SLC22A5: variants seen among roughly 807,000 people sequenced by gnomAD.
SLC22A5 encodes the protein organic cation/carnitine transporter 2.
Under a neutral mutation model 56.7 loss-of-function variants are expected in SLC22A5, and 44 were observed. The observed-to-expected ratio is 0.78, with a 90% confidence interval of 0.61 to 1.00. The LOEUF (loss-of-function observed/expected upper bound fraction) is 1.00. SLC22A5 is among the 50% of genes least tolerant of loss of function. The pLI is 0.00. For synonymous variants in SLC22A5, 278 were observed against 292.1 expected (o/e 0.95, Z 0.49); for missense variants, 675 against 723.0 (o/e 0.93, Z 0.76).
At chr5:132,388,799 C>T (rs1306761343) in intron 5 of SLC22A5, 122 bp from the exon 6 acceptor site, 9 of 745,882 alleles carry the variant, frequency 1.2e-5, no homozygotes, top group Non-Finnish European at 1.7e-5. Context: ...TTCTTAGAAA[C>T]GTAACACTCC....
At chr5:132,379,605 C>G (rs1353717279) in intron 2 of SLC22A5, 1 of 152,282 alleles carries the variant, frequency 6.6e-6, no homozygotes, top group Non-Finnish European at 1.5e-5. Context: ...CTGTCTCAGC[C>G]TCCCGAGTTG....
At chr5:132,379,497 T>G (rs1250189940) in intron 2 of SLC22A5, 1 of 151,918 alleles carries the variant, frequency 6.6e-6, no homozygotes, top group Non-Finnish European at 1.5e-5. Context: ...TGTTGTTTTT[T>G]TTTGGAAAAG....
At chr5:132,381,700 G>A (rs1037965364) in intron 2 of SLC22A5, 67 of 152,346 alleles carry the variant, frequency 4.4e-4, no homozygotes, top group African/African-American at 1.6e-3. Flanking sequence ...TTATCTTTAT[G>A]CGTCTGACTT....
Position 132,385,422 on chromosome 5 carries a change from T to G in SLC22A5, c.747T>G (p.Phe249Leu). 2 of 1,614,226 alleles carry G rather than the reference T, an allele frequency of 1.2e-6. No individual in the cohort carries two copies. The highest frequency in any genetic ancestry group is 1.7e-6 in the Non-Finnish European group (2 of 1,180,016). ...YAFGYMVLPL[F>L]AYFIRDWRML... ...TTGGCTACATGGTGCTGCCACTGTTTGCTTACTTCATCCGAGACTGGCGGA... is the reference window on the plus strand; with the variant it reads ...TTGGCTACATGGTGCTGCCACTGTTGGCTTACTTCATCCGAGACTGGCGGA... The change falls in exon 4 of 10, where the codon TTT (phenylalanine) becomes TTG (leucine). Residue 249 changes from phenylalanine to leucine, a missense_variant. Coordinates refer to ENST00000245407, the MANE Select transcript of SLC22A5 (RefSeq NM_003060.4).
rs931550022 is a variant in SLC22A5 at position 132,371,121 on chromosome 5, G to A, written c.393+756G>A. ...CAGTCTCCGAGTAGCTGTGAGCCAC[G>A]ACGCCCAGCTAATTTTTGTGTTTTT... On this transcript the variant is annotated intron_variant, in intron 1 of 9. Transcript: ENST00000245407. Among the ~76,000 whole-genome samples, 8 of 152,104 alleles carry A rather than the reference G, an allele frequency of 5.3e-5. No individual in the cohort carries two copies. In the South Asian group the frequency reaches 1.5e-3, roughly 28 times the overall value.
intron 7 of SLC22A5, 39 bp downstream of exon 7, chr5:132,390,943 G>A (rs375396087): frequency 1.6e-5 from 24 of 1,507,352 alleles, no homozygotes; most frequent in Admixed American, 3.4e-5. Context: ...GGTCTTCACT[G>A]AGTCTCTTAC....
At position 132,384,290 on chromosome 5, in the gene SLC22A5, C is replaced by T. The variant is rs386134199; in HGVS notation, c.641C>T (p.Ala214Val). The T allele has an allele frequency of 3.9e-4, 626 of 1,614,206 alleles. 8 individuals are homozygous for T. The South Asian group carries it at 6.5e-3, about 17-fold the overall frequency. Residue 214 changes from alanine to valine, a missense_variant, in exon 3 of 10, where the codon GCA becomes GTA. Physicochemically the swap from Ala to Val is moderately conservative, Grantham distance 64. Coordinates refer to ENST00000245407, the MANE Select transcript of SLC22A5 (RefSeq NM_003060.4). ...GGCCAGATCTCCAACTATGTGGCAG[C>T]ATTTGTCCTGGGTATGGCCATCAGG... ...GMGQISNYVAAFVLGTEILGK... is the reference protein window; with the variant it reads ...GMGQISNYVAVFVLGTEILGK...
chr5:132,377,249 C>T (rs546111115), intron 1 of SLC22A5: 1 of 152,440 alleles, frequency 6.6e-6, no homozygotes, highest in Non-Finnish European at 1.5e-5. Context: ...CTTGTTTTTC[C>T]CTGTCACTGG....
At position 132,385,511 on chromosome 5, in the gene SLC22A5, C is replaced by T. The variant is rs1752498040; in HGVS notation, c.824+12C>T. ...GTGGCACTCTGGTGGTGAGTGTGACCTTGTGCCCCATGTGCCCACTGGCAG... is the reference window on the plus strand; with the variant it reads ...GTGGCACTCTGGTGGTGAGTGTGACTTTGTGCCCCATGTGCCCACTGGCAG... On this transcript the variant is annotated intron_variant, in intron 4 of 9. Transcript: ENST00000245407. The T allele has an allele frequency of 6.2e-7, 1 of 1,612,298 alleles. No homozygotes were observed. The highest frequency in any genetic ancestry group is 8.5e-7 in the Non-Finnish European group (1 of 1,178,410).
At chr5:132,376,767 C>T (rs1371572442) in intron 1 of SLC22A5, 8 of 152,216 alleles carry the variant, frequency 5.3e-5, no homozygotes. Context: ...GGTCCTGGCC[C>T]CTGAAGCTTG....
At position 132,394,588 on chromosome 5, in the gene SLC22A5, C is replaced by G. The variant is rs183289645; in HGVS notation, c.*316C>G. The G allele has an allele frequency of 2.4e-6, 1 of 414,046 alleles. No homozygotes were observed. Among genetic ancestry groups the G allele is most frequent in the African/African-American group, 2.0e-5 (1 of 49,766 alleles). 25.6% of individuals were successfully genotyped at this position (414,046 alleles called of 1,614,324 possible). Reference sequence around the variant, plus strand: ...GTGAGATCTGGAGGAATGTGAGAAGCATATGCTAAATGTACATTTTAATTT... The same window carrying G: ...GTGAGATCTGGAGGAATGTGAGAAGGATATGCTAAATGTACATTTTAATTT... On this transcript the variant is annotated 3_prime_UTR_variant, in exon 10 of 10. Transcript: ENST00000245407.
At chr5:132,380,926 A>AGGGTTCTATAT (rs1752324423) in intron 2 of SLC22A5, 1 of 104,830 alleles carries the variant, frequency 9.5e-6, no homozygotes, top group South Asian at 3.4e-4. Context: ...TTGCCTGGGG[A>AGGGTTCTATAT]GAGGGGAGTG....
chr5:132,371,123 C>T (rs1487147768), intron 1 of SLC22A5, among the ~76,000 whole-genome samples: 5 of 152,090 alleles, frequency 3.3e-5, no homozygotes, highest in Admixed American at 1.3e-4. Flanking sequence ...TGAGCCACGA[C>T]GCCCAGCTAA....
intron 2 of SLC22A5, chr5:132,378,775 C>G (rs751660724): frequency 4.0e-5 from 17 of 420,314 alleles, no homozygotes; most frequent in Non-Finnish European, 6.2e-5. Flanking sequence ...CTTGCCTCCC[C>G]TGGGTCACTG....
intron 5 of SLC22A5, among the ~76,000 whole-genome samples, chr5:132,388,585 G>A (rs1752605602): frequency 6.6e-6 from 1 of 152,168 alleles, no homozygotes; most frequent in Non-Finnish European, 1.5e-5. Flanking sequence ...GCTTCGGGAG[G>A]AATACTTAGA....
At chr5:132,372,554 A>T (rs913506145) in intron 1 of SLC22A5, among the ~76,000 whole-genome samples, 2 of 152,170 alleles carry the variant, frequency 1.3e-5, no homozygotes, top group African/African-American at 4.8e-5. Context: ...GTCTGACCTT[A>T]TCTTGCTGCC....
In SLC22A5 at chr5:132,369,872, T is replaced by A. The variant is rs1215914945; in HGVS notation, c.-101T>A. ...CCGCGGACGGTCTTGGGTCGCCTGCTGCCTGGCTTGCCTGGTCGGCGGCGG... is the reference window on the plus strand; with the variant it reads ...CCGCGGACGGTCTTGGGTCGCCTGCAGCCTGGCTTGCCTGGTCGGCGGCGG... On this transcript the variant is annotated 5_prime_UTR_variant, in exon 1 of 10. Transcript: ENST00000245407. The A allele has an allele frequency of 3.3e-6, 5 of 1,492,848 alleles. No homozygotes were observed. The highest frequency in any genetic ancestry group is 2.8e-5 in the African/African-American group (2 of 72,074). The allele number at this position is 1,492,848 out of a possible 1,614,324, so 92.5% of individuals were successfully genotyped here.
chr5:132,369,751 T>A lies in SLC22A5; in HGVS notation c.-222T>A, dbSNP rs2126764101. On this transcript the variant is annotated 5_prime_UTR_variant, in exon 1 of 10. Coordinates refer to ENST00000245407, the MANE Select transcript of SLC22A5 (RefSeq NM_003060.4). ...CTCTGCCTGCCAGCGGGGCGCGCCT[T>A]GCGGCCCAGGCCCGCAACCTTCCCT... The A allele has an allele frequency of 2.0e-6, 1 of 505,288 alleles. No homozygotes were observed. The highest frequency in any genetic ancestry group is 3.5e-5 in the East Asian group (1 of 28,332). The allele number at this position is 505,288 out of a possible 1,614,324, so 31.3% of individuals were successfully genotyped here.
chr5:132,378,585 C>T (rs1752233634), intron 2 of SLC22A5, 104 bp downstream of exon 2: 1 of 871,984 alleles, frequency 1.1e-6, no homozygotes, highest in South Asian at 1.3e-5. Context: ...GCGCAGGGCC[C>T]TGTATTTTAA....
Sources: allele counts gnomAD v4.1 joint callset (sites outside exome capture counted in the v4.1 genomes callset), GRCh38; gene constraint gnomAD v4.1.1; transcripts MANE v1.5; gene names NCBI Gene and HGNC (gene_info 2026-07-23, HGNC 2026-07-21).